Variants in ERC2 observed in about 807,000 individuals in gnomAD.
The protein encoded by ERC2 is ELKS/RAB6-interacting/CAST family member 2, also known as ERC protein 2.
In ERC2, 42 loss-of-function variants were observed where a neutral mutation model predicts 114.8. The observed-to-expected ratio is 0.37, with a 90% CI of 0.29 to 0.47. The LOEUF is 0.47. ERC2 is among the 20% of genes least tolerant of loss of function. ERC2 has a pLI of 0.99. For synonymous variants in ERC2, 454 were observed against 425.5 expected, an observed-to-expected ratio of 1.07 and a Z score of -0.82; for missense variants, 939 against 1,150.7, an observed-to-expected ratio of 0.82 and a Z score of 2.66.
At chr3:56,162,543 A>G (rs1290035880) in intron 4 of ERC2, among the ~76,000 whole-genome samples, 1 of 152,066 alleles carries the variant, frequency 6.6e-6, no homozygotes, top group Non-Finnish European at 1.5e-5. Context: ...TTTGTTACTT[A>G]TTCAATTTTA....
intron 2 of ERC2, among the ~76,000 whole-genome samples, chr3:56,362,582 G>A (rs1163338861): frequency 6.6e-6 from 1 of 152,208 alleles, no homozygotes; most frequent in Non-Finnish European, 1.5e-5. Context: ...TTTTGGTGGT[G>A]GATGGATGGC....
chr3:55,744,560 T>G, intron 14 of ERC2, among the ~76,000 whole-genome samples: 1 of 152,250 alleles, frequency 6.6e-6, no homozygotes, highest in Non-Finnish European at 1.5e-5. Flanking sequence ...CTTCAGGCTC[T>G]GATTGGTTGC....
chr3:55,836,905 C>G (rs1377262465), intron 14 of ERC2, among the ~76,000 whole-genome samples: 1 of 152,046 alleles, frequency 6.6e-6, no homozygotes, highest in Non-Finnish European at 1.5e-5. Flanking sequence ...AACAAATTTA[C>G]AAGAAAAAAA....
intron 3 of ERC2, among the ~76,000 whole-genome samples, chr3:56,253,588 G>T (rs2052324717): frequency 2.6e-5 from 4 of 152,216 alleles, no homozygotes; most frequent in Admixed American, 2.6e-4. Flanking sequence ...TTTAGCCTCA[G>T]TTATGAATGG....
intron 7 of ERC2, among the ~76,000 whole-genome samples, chr3:56,033,030 C>G (rs1209274312): frequency 7.7e-5 from 5 of 65,184 alleles, no homozygotes; most frequent in South Asian, 1.1e-3. Flanking sequence ...AAAAAAGAAA[C>G]AGAAAGAAAG....
intron 14 of ERC2, among the ~76,000 whole-genome samples, chr3:55,792,876 C>G (rs766057575): frequency 1.3e-5 from 2 of 152,128 alleles, no homozygotes; most frequent in Admixed American, 6.5e-5. Context: ...AGTACAGTGT[C>G]ATTTTTAGCA....
chr3:56,141,228 G>A (rs2080835834), intron 5 of ERC2, among the ~76,000 whole-genome samples: 1 of 152,060 alleles, frequency 6.6e-6, no homozygotes. Context: ...CTTCCTACTT[G>A]TACACAAATG....
intron 14 of ERC2, among the ~76,000 whole-genome samples, chr3:55,780,328 TA>T (rs1284768101): frequency 6.6e-6 from 1 of 152,120 alleles, no homozygotes; most frequent in East Asian, 1.9e-4. Flanking sequence ...AAGAGTCAAC[TA>T]AAAAACTACT....
At chr3:56,215,017 G>A (rs4339082) in intron 3 of ERC2, among the ~76,000 whole-genome samples, 67,883 of 151,906 alleles carry the variant, frequency 0.45, 15,747 homozygotes, top group East Asian at 0.71. Context: ...AGGAACAACC[G>A]GTACCAGCCA....
chr3:55,578,026 G>A (rs919312075), intron 17 of ERC2, among the ~76,000 whole-genome samples: 18 of 152,152 alleles, frequency 1.2e-4, no homozygotes, highest in African/African-American at 4.3e-4. Context: ...AACCTCACTG[G>A]GTAAACAGCA....
rs377261760 is a variant in ERC2, at chr3:55,810,828, AAAT to A, written c.2565-75913_2565-75911del. Among the ~76,000 whole-genome samples the A allele has an allele frequency of 3.3e-3, 498 of 152,336 alleles. 3 individuals carry two copies. Among genetic ancestry groups the A allele is most frequent in the African/African-American group, 0.011 (477 of 41,564 alleles). On this transcript the variant is annotated intron_variant, in intron 14 of 17. Transcript: ENST00000288221. ...CTTAATGGGTATATTGTTGTTGAAC[AAAT>A]AAGAGATGTCTCTCCTTCCCTCTAG...
intron 14 of ERC2, among the ~76,000 whole-genome samples, chr3:55,827,112 CTT>C (rs1170074887): frequency 6.6e-6 from 1 of 152,154 alleles, no homozygotes; most frequent in Non-Finnish European, 1.5e-5. Flanking sequence ...ACAACTCCCT[CTT>C]GAGTAAGGAG....
chr3:55,929,159 G>T (rs2065925505), intron 13 of ERC2, among the ~76,000 whole-genome samples: 1 of 152,090 alleles, frequency 6.6e-6, no homozygotes, highest in Non-Finnish European at 1.5e-5. Flanking sequence ...TGATTGCTGG[G>T]TCCCCTCCCC....
At chr3:55,699,265 T>C in intron 16 of ERC2, 113 bp downstream of exon 16, 2 of 1,363,058 alleles carry the variant, frequency 1.5e-6, no homozygotes. Flanking sequence ...TTAGTTTCAG[T>C]TCAAAGAACG....
At chr3:56,270,199 T>C (rs756184691) in intron 3 of ERC2, among the ~76,000 whole-genome samples, 30 of 151,358 alleles carry the variant, frequency 2.0e-4, no homozygotes, top group Non-Finnish European at 3.7e-4. Context: ...AAACAACAAA[T>C]CATTCTAATT....
chr3:55,583,174 G>C (rs1055142941), intron 17 of ERC2, among the ~76,000 whole-genome samples: 2 of 152,058 alleles, frequency 1.3e-5, no homozygotes, highest in Non-Finnish European at 2.9e-5. Flanking sequence ...TCATTTACTC[G>C]AGCTACCCAG....
intron 17 of ERC2, among the ~76,000 whole-genome samples, chr3:55,534,472 T>A (rs1039801940): frequency 1.3e-5 from 2 of 150,426 alleles, no homozygotes; most frequent in Non-Finnish European, 2.9e-5. Flanking sequence ...GATGGGTGGA[T>A]CACTTGAGCC....
At chr3:55,772,754 G>A (rs1400607406) in intron 14 of ERC2, among the ~76,000 whole-genome samples, 4 of 152,112 alleles carry the variant, frequency 2.6e-5, no homozygotes, top group Non-Finnish European at 5.9e-5. Flanking sequence ...AGGGTCCCTT[G>A]GGCCTGAAGC....
Position 56,261,919 on chromosome 3 carries a change from T to C in ERC2, c.1074+34100A>G, listed in dbSNP as rs545979037. Among the ~76,000 whole-genome samples, 7 of 152,314 alleles carry C rather than the reference T, an allele frequency of 4.6e-5. No individual in the cohort carries two copies. The East Asian group carries it at 9.7e-4, about 21-fold the overall frequency. ...TGTTGTTCCCCTCTATGTGTCCATGTGTTCTCATCATTTAGTTCCGACTTA... is the reference window on the plus strand; with the variant it reads ...TGTTGTTCCCCTCTATGTGTCCATGCGTTCTCATCATTTAGTTCCGACTTA... On this transcript the variant is annotated intron_variant, in intron 3 of 17. Coordinates refer to ENST00000288221, the MANE Select transcript of ERC2 (RefSeq NM_015576.3).
Sources: gnomAD v4.1 joint callset for allele counts (sites outside exome capture counted in the v4.1 genomes callset) on GRCh38, gnomAD v4.1.1 for gene constraint, MANE v1.5 for transcripts, NCBI Gene and HGNC (gene_info 2026-07-23, HGNC 2026-07-21) for gene names.